Variants in ZCWPW2 observed in about 807,000 individuals in gnomAD.
ZCWPW2 encodes zinc finger CW-type PWWP domain protein 2.
Under a neutral mutation model 46.6 loss-of-function variants are expected in ZCWPW2, and 45 were observed. The observed-to-expected ratio is 0.96, with a 90% CI of 0.76 to 1.24. The LOEUF (loss-of-function observed/expected upper bound fraction) is 1.24, where lower values mean the gene tolerates loss of function less well. Among genes scored for constraint, ZCWPW2 ranks in the 50% most tolerant of loss-of-function variants. ZCWPW2 has a pLI of 0.00. For synonymous variants in ZCWPW2, 152 were observed against 137.1 expected, an observed-to-expected ratio of 1.11 and a Z score of -0.76; for missense variants, 429 against 403.9, an observed-to-expected ratio of 1.06 and a Z score of -0.53.
intron 6 of ZCWPW2, among the ~76,000 whole-genome samples, chr3:28,508,972 C>A (rs1293160183): frequency 6.6e-6 from 1 of 152,072 alleles, no homozygotes; most frequent in Non-Finnish European, 1.5e-5. Flanking sequence ...AATTTTAGAA[C>A]AGTTTTTCAT....
At chr3:28,514,041 A>G in intron 6 of ZCWPW2, 23 bp from the exon 7 acceptor site, 2 of 1,483,740 alleles carry the variant, frequency 1.3e-6, no homozygotes, top group Non-Finnish European at 1.8e-6. Context: ...GAACTAACTC[A>G]TATTTTTGTT....
chr3:28,394,245 T>C (rs1192650011), intron 2 of ZCWPW2, among the ~76,000 whole-genome samples: 1 of 152,166 alleles, frequency 6.6e-6, no homozygotes, highest in African/African-American at 2.4e-5. Flanking sequence ...CACTGAAAAC[T>C]ATAAAACATT....
At chr3:28,432,133 G>T (rs1002463301) in intron 3 of ZCWPW2, among the ~76,000 whole-genome samples, 3 of 152,164 alleles carry the variant, frequency 2.0e-5, no homozygotes, top group Admixed American at 2.0e-4. Flanking sequence ...TTCAAGATGA[G>T]ATTTGGGTGG....
intron 4 of ZCWPW2, among the ~76,000 whole-genome samples, chr3:28,477,971 TG>T (rs1699294326): frequency 6.6e-6 from 1 of 152,146 alleles, no homozygotes; most frequent in South Asian, 2.1e-4. Flanking sequence ...TTTTTCATTT[TG>T]TTTTTCTTCT....
chr3:28,519,743 C>T (rs1361109223), intron 8 of ZCWPW2, among the ~76,000 whole-genome samples: 3 of 152,210 alleles, frequency 2.0e-5, no homozygotes, highest in Non-Finnish European at 2.9e-5. Flanking sequence ...CTCTGAATTA[C>T]GTTGTTTTTG....
intron 4 of ZCWPW2, among the ~76,000 whole-genome samples, chr3:28,444,199 T>G (rs138248931): frequency 8.5e-5 from 13 of 152,174 alleles, no homozygotes; most frequent in African/African-American, 3.1e-4. Flanking sequence ...TTATATAAAT[T>G]AGAGAACTCA....
Position 28,524,647 on chromosome 3 carries a change from A to G in ZCWPW2, c.1030A>G (p.Asn344Asp). The G allele has an allele frequency of 6.3e-7, 1 of 1,579,716 alleles. No homozygotes were observed. Residue 344 changes from asparagine (N) to aspartate (D), a missense_variant, in exon 10 of 10, where the codon AAT (asparagine) becomes GAT (aspartate). Physicochemically the swap from Asn to Asp is conservative, Grantham distance 23. Coordinates refer to ENST00000383768, the MANE Select transcript of ZCWPW2 (RefSeq NM_001040432.4). Reference sequence around the variant, plus strand: ...TGGAGAATGTATTGAGGATATAACTAATAAATTTAAAGAAATAGATGCTTT... The same window carrying G: ...TGGAGAATGTATTGAGGATATAACTGATAAATTTAAAGAAATAGATGCTTT... ...KAGECIEDIT[N>D]KFKEIDALMS...
chr3:28,381,444 T>C (rs1695101783), intron 1 of ZCWPW2, among the ~76,000 whole-genome samples: 2 of 152,146 alleles, frequency 1.3e-5, no homozygotes, highest in South Asian at 4.1e-4. Context: ...TCGTCCTTAC[T>C]GTCTTTATGT....
At chr3:28,451,912 A>G (rs57431431) in intron 4 of ZCWPW2, among the ~76,000 whole-genome samples, 2,351 of 152,298 alleles carry the variant, frequency 0.015, 76 homozygotes, top group African/African-American at 0.054. Flanking sequence ...ACAGCTACCA[A>G]ATTCTCAGCA....
At chr3:28,452,268 C>T (rs1245449127) in intron 4 of ZCWPW2, among the ~76,000 whole-genome samples, 1 of 151,950 alleles carries the variant, frequency 6.6e-6, no homozygotes, top group African/African-American at 2.4e-5. Context: ...TCCCAGATAC[C>T]TCATCTTATT....
intron 1 of ZCWPW2, among the ~76,000 whole-genome samples, chr3:28,386,264 G>A (rs1483546616): frequency 6.6e-6 from 1 of 151,954 alleles, no homozygotes; most frequent in African/African-American, 2.4e-5. Flanking sequence ...TTGCATACAC[G>A]CCAAAGAAAA....
chr3:28,368,188 A>T (rs1705190871), intron 1 of ZCWPW2, among the ~76,000 whole-genome samples: 1 of 152,170 alleles, frequency 6.6e-6, no homozygotes, highest in Non-Finnish European at 1.5e-5. Flanking sequence ...TCCTGTCATT[A>T]TGATGATAGC....
rs188832847 is a variant in ZCWPW2, at chr3:28,413,748, G to C, written c.332+348G>C. On this transcript the variant is annotated intron_variant, in intron 3 of 9. Transcript: ENST00000383768. ...TTTCCTTTTTGAAATCCGTTTTTTA[G>C]AAGTGTGTCTTTAAATTACCAAATA... Among the ~76,000 whole-genome samples the C allele has an allele frequency of 1.4e-3, 218 of 151,938 alleles. 2 individuals are homozygous for C. In the Middle Eastern group the frequency reaches 0.017, roughly 12 times the overall value.
At chr3:28,523,949 T>C (rs1700789221) in intron 9 of ZCWPW2, among the ~76,000 whole-genome samples, 1 of 152,212 alleles carries the variant, frequency 6.6e-6, no homozygotes. Flanking sequence ...ATTATTTCTA[T>C]AAAAGGGTAC....
intron 6 of ZCWPW2, among the ~76,000 whole-genome samples, chr3:28,509,539 T>C (rs1179105924): frequency 6.6e-6 from 1 of 152,174 alleles, no homozygotes; most frequent in Non-Finnish European, 1.5e-5. Context: ...TGGGTTGAAG[T>C]GGTATGTCAT....
intron 4 of ZCWPW2, among the ~76,000 whole-genome samples, chr3:28,453,616 T>C (rs1698308695): frequency 6.6e-6 from 1 of 152,042 alleles, no homozygotes; most frequent in South Asian, 2.1e-4. Context: ...TATACAAGAC[T>C]CACAAAATTG....
intron 2 of ZCWPW2, among the ~76,000 whole-genome samples, chr3:28,391,353 C>CCACA (rs111706300): frequency 3.2e-4 from 47 of 148,744 alleles, no homozygotes; most frequent in African/African-American, 7.4e-4. Context: ...CCTCTCCCTG[C>CCACA]CACACACACA....
intron 4 of ZCWPW2, among the ~76,000 whole-genome samples, chr3:28,476,049 A>T (rs1350927306): frequency 2.0e-5 from 3 of 151,866 alleles, no homozygotes; most frequent in East Asian, 1.9e-4. Context: ...AAGAAAATTT[A>T]AAAAATCAAT....
At chr3:28,351,328 T>C (rs1704541756) in intron 1 of ZCWPW2, among the ~76,000 whole-genome samples, 1 of 150,976 alleles carries the variant, frequency 6.6e-6, no homozygotes, top group Admixed American at 6.6e-5. Context: ...TTCCAAGATC[T>C]AGATGTTCTC....
Sources: gnomAD v4.1 joint callset for allele counts (sites outside exome capture counted in the v4.1 genomes callset) on GRCh38, gnomAD v4.1.1 for gene constraint, MANE v1.5 for transcripts, NCBI Gene and HGNC (gene_info 2026-07-23, HGNC 2026-07-21) for gene names.